The following RELN variants were observed in gnomAD, a reference collection of about 807,000 sequenced individuals.
The protein encoded by RELN is reelin.
A neutral mutation model predicts 427.6 loss-of-function variants in RELN; 108 were observed. That is an observed-to-expected ratio of 0.25 (90% CI 0.22 to 0.30). The LOEUF (loss-of-function observed/expected upper bound fraction) is 0.30. Among genes scored for constraint, RELN ranks in the 10% least tolerant of loss-of-function variants. The probability of loss-of-function intolerance (pLI) is 1.00; values close to 1 mark genes in which losing one functional copy is unlikely to be tolerated. For missense variants in RELN, 3,715 were observed against 4,302.8 expected, an observed-to-expected ratio of 0.86 and a Z score of 3.82; for synonymous variants, 1,524 against 1,513.4, an observed-to-expected ratio of 1.01 and a Z score of -0.16.
At chr7:103,753,285 C>T in intron 4 of RELN, 71 bp from the exon 5 acceptor site, 3 of 1,504,268 alleles carry the variant, frequency 2.0e-6, no homozygotes, top group South Asian at 1.1e-5. Context: ...TAAAGAGTCA[C>T]AACACAGTTA....
intron 41 of RELN, among the ~76,000 whole-genome samples, chr7:103,548,645 G>A (rs1370692047): frequency 6.6e-6 from 1 of 152,176 alleles, no homozygotes; most frequent in South Asian, 2.1e-4. Context: ...AAAATGACAT[G>A]GAATACAAAT....
chr7:103,725,995 A>G (rs946860251), intron 7 of RELN, among the ~76,000 whole-genome samples: 3 of 152,230 alleles, frequency 2.0e-5, no homozygotes, highest in Non-Finnish European at 4.4e-5. Flanking sequence ...CAACTTCAGT[A>G]AGAATGGGCT....
intron 1 of RELN, among the ~76,000 whole-genome samples, chr7:103,983,270 G>T (rs1040344704): frequency 6.6e-6 from 1 of 152,166 alleles, no homozygotes; most frequent in Non-Finnish European, 1.5e-5. Flanking sequence ...GAAAAAAATA[G>T]GTATAGTTTT....
chr7:103,600,426 C>T (rs1251969559), intron 24 of RELN, among the ~76,000 whole-genome samples: 1 of 152,140 alleles, frequency 6.6e-6, no homozygotes, highest in Non-Finnish European at 1.5e-5. Context: ...CTGTTTTTTC[C>T]TATGGAGCTG....
At chr7:103,564,659 C>T (rs1333476807) in intron 34 of RELN, among the ~76,000 whole-genome samples, 1 of 151,978 alleles carries the variant, frequency 6.6e-6, no homozygotes, top group Non-Finnish European at 1.5e-5. Flanking sequence ...CCATTCAGAA[C>T]AGAGCACAGG....
At chr7:103,769,696 C>A (rs1791516237) in intron 4 of RELN, among the ~76,000 whole-genome samples, 1 of 152,212 alleles carries the variant, frequency 6.6e-6, no homozygotes, top group African/African-American at 2.4e-5. Context: ...GCCTGGCAAT[C>A]CCTTCTGGGC....
intron 20 of RELN, 69 bp from the exon 21 acceptor site, chr7:103,611,872 A>C: frequency 8.3e-7 from 1 of 1,202,830 alleles, no homozygotes; most frequent in Non-Finnish European, 1.2e-6. Context: ...TAAAGTCTTC[A>C]CTTCACACTA....
chr7:103,948,403 T>C (rs377004284), intron 1 of RELN, among the ~76,000 whole-genome samples: 1 of 152,300 alleles, frequency 6.6e-6, no homozygotes, highest in East Asian at 1.9e-4. Flanking sequence ...CCGAGTGTGG[T>C]GACTCACGCC....
chr7:103,656,305 A>G (rs1833020959), intron 12 of RELN, among the ~76,000 whole-genome samples: 1 of 152,130 alleles, frequency 6.6e-6, no homozygotes, highest in Non-Finnish European at 1.5e-5. Flanking sequence ...ATTATTTGGC[A>G]TATCTGAGTA....
At chr7:103,517,936 G>A (rs1040125357) in intron 49 of RELN, among the ~76,000 whole-genome samples, 5 of 152,186 alleles carry the variant, frequency 3.3e-5, no homozygotes, top group South Asian at 2.1e-4. Flanking sequence ...AAGGAAGTAC[G>A]TGCAGCTGTT....
rs150114384 is a variant in RELN, at chr7:103,690,597, A to G, written c.1143+7256T>C. ...TATACACAAGTACAAAGAAGGATAC[A>G]ATATTCTGTGAAAGAGAGCAAAACC... On this transcript the variant is annotated intron_variant, in intron 10 of 64. Transcript: ENST00000428762. 2.8e-3 allele frequency among the ~76,000 whole-genome samples: 428 copies of G among 152,228 alleles called. 2 individuals are homozygous for G. The highest frequency in any genetic ancestry group is 9.6e-3 in the African/African-American group (400 of 41,576).
At chr7:103,917,400 C>A (rs1050378795) in intron 1 of RELN, among the ~76,000 whole-genome samples, 16 of 152,144 alleles carry the variant, frequency 1.1e-4, no homozygotes, top group African/African-American at 3.9e-4. Context: ...TTTAGAACAT[C>A]AGTCCTACCT....
Position 103,654,336 on chromosome 7 carries a change from G to C in RELN, c.1442-131C>G, listed in dbSNP as rs964759115. 6.0e-6 allele frequency: 4 copies of C among 663,236 alleles called. No individual in the cohort carries two copies. In the African/African-American group the frequency reaches 7.2e-5, roughly 12 times the overall value. The allele number at this position is 663,236 out of a possible 1,614,324, so 41.1% of individuals were successfully genotyped here. ...TCACTTAAGAATAACCCTAAACAAA[G>C]GTAAACAGACTCAAGGAAATAATTT... On this transcript the variant is annotated intron_variant, in intron 12 of 64. Coordinates refer to ENST00000428762, the MANE Select transcript of RELN (RefSeq NM_005045.4).
chr7:103,979,347 C>T (rs1584417441), intron 1 of RELN, among the ~76,000 whole-genome samples: 1 of 152,202 alleles, frequency 6.6e-6, no homozygotes, highest in Non-Finnish European at 1.5e-5. Context: ...ATGACACATG[C>T]CTTGCCATCC....
intron 1 of RELN, among the ~76,000 whole-genome samples, chr7:103,923,283 G>A (rs978293947): frequency 6.6e-6 from 1 of 152,060 alleles, no homozygotes; most frequent in Non-Finnish European, 1.5e-5. Flanking sequence ...CTAGCTCTGG[G>A]CACCAAATAG....
chr7:103,953,229 A>T lies in RELN; in HGVS notation c.226+35902T>A, dbSNP rs1796368189. Among the ~76,000 whole-genome samples the T allele has an allele frequency of 6.6e-6, 1 of 152,240 alleles. No individual in the cohort carries two copies. The highest frequency in any genetic ancestry group is 2.4e-5 in the African/African-American group (1 of 41,456). On this transcript the variant is annotated intron_variant, in intron 1 of 64. Coordinates refer to ENST00000428762, the MANE Select transcript of RELN (RefSeq NM_005045.4). The surrounding 1 kb of genome is among the most constrained non-coding windows in gnomAD (Gnocchi z 4.3). Reference sequence around the variant, plus strand: ...AAGCCCTTGAAAGTATCCTCAACTCATATTTATTGCAAACAGTTGATTGAA... The same window carrying T: ...AAGCCCTTGAAAGTATCCTCAACTCTTATTTATTGCAAACAGTTGATTGAA...
chr7:103,858,111 C>T (rs775476601), intron 2 of RELN, among the ~76,000 whole-genome samples: 12 of 152,056 alleles, frequency 7.9e-5, no homozygotes, highest in Non-Finnish European at 1.2e-4. Context: ...TCAATAGTCT[C>T]TACAGGACGC....
chr7:103,661,226 A>G (rs1584385704), intron 12 of RELN, 150 bp downstream of exon 12: 2 of 839,104 alleles, frequency 2.4e-6, no homozygotes, highest in East Asian at 2.6e-5. Context: ...AACACGGGGG[A>G]GTACCACAGG....
chr7:103,678,001 C>T (rs1239467991), intron 11 of RELN, among the ~76,000 whole-genome samples: 1 of 152,010 alleles, frequency 6.6e-6, no homozygotes, highest in East Asian at 1.9e-4. Flanking sequence ...TTTTTAGTGT[C>T]ATTATAGACT....
Sources: allele counts gnomAD v4.1 joint callset (sites outside exome capture counted in the v4.1 genomes callset), GRCh38; gene constraint gnomAD v4.1.1; non-coding constraint Gnocchi (gnomAD v3.1); transcripts MANE v1.5; gene names NCBI Gene and HGNC (gene_info 2026-07-23, HGNC 2026-07-21).